Variants in RALGAPA2 observed in about 807,000 individuals in gnomAD.
RALGAPA2 encodes Ral GTPase activating protein catalytic subunit alpha 2.
A neutral mutation model predicts 230.4 loss-of-function variants in RALGAPA2; 139 were observed. The ratio of observed to expected loss-of-function variants is 0.60; its 90% CI spans 0.53 to 0.69. The LOEUF is 0.69. Among genes scored for constraint, RALGAPA2 ranks in the 30% least tolerant of loss-of-function variants. The pLI is 0.00. For synonymous variants in RALGAPA2, 847 were observed against 837.8 expected, an observed-to-expected ratio of 1.01 and a Z score of -0.19; for missense variants, 2,163 against 2,276.0, an observed-to-expected ratio of 0.95 and a Z score of 1.01.
At chr20:20,664,411 G>A (rs1025731138) in intron 3 of RALGAPA2, among the ~76,000 whole-genome samples, 2 of 151,750 alleles carry the variant, frequency 1.3e-5, no homozygotes, top group Non-Finnish European at 2.9e-5. Flanking sequence ...TTTTAATGAC[G>A]GAACGAACAT....
chr20:20,400,693 C>T (rs190491113), intron 38 of RALGAPA2, among the ~76,000 whole-genome samples: 101 of 152,248 alleles, frequency 6.6e-4, no homozygotes, highest in African/African-American at 2.4e-3. Context: ...GTGTACTTTA[C>T]CAGACTGAAT....
At chr20:20,556,318 C>T (rs1238176343) in intron 23 of RALGAPA2, among the ~76,000 whole-genome samples, 4 of 152,320 alleles carry the variant, frequency 2.6e-5, no homozygotes, top group East Asian at 1.9e-4. Flanking sequence ...CTGTCTTTCA[C>T]GTGTGCTTCC....
Position 20,611,324 on chromosome 20 carries a change from T to G in RALGAPA2, c.1791A>C (p.Leu597Phe), listed in dbSNP as rs199580194. ...KDLFAQSLAG[L>F]LFRTLMVAWI... ...CATAAAAAAGACTTACCCTAAATAG[T>G]AACCCTGCCAAGCTCTGGGCAAACA... Residue 597 changes from leucine to phenylalanine, a missense_variant, in exon 14 of 40, where the codon TTA becomes TTC. Leu to Phe is a conservative substitution (Grantham distance 22). Transcript: ENST00000202677. The G allele has an allele frequency of 1.2e-5, 20 of 1,610,432 alleles. No individual in the cohort carries two copies. Among genetic ancestry groups the G allele is most frequent in the Non-Finnish European group, 1.3e-5 (15 of 1,177,844 alleles).
chr20:20,618,280 G>C (rs2066212215), intron 12 of RALGAPA2, among the ~76,000 whole-genome samples: 1 of 152,186 alleles, frequency 6.6e-6, no homozygotes, highest in Non-Finnish European at 1.5e-5. Context: ...GAGCTACTGA[G>C]GGACAAAGGG....
chr20:20,400,353 G>A (rs772430597), intron 38 of RALGAPA2, among the ~76,000 whole-genome samples: 11 of 152,152 alleles, frequency 7.2e-5, no homozygotes, highest in African/African-American at 1.2e-4. Flanking sequence ...TTCAGAAGCC[G>A]AAAGCTGGGA....
chr20:20,681,320 C>G (rs2068513852), intron 1 of RALGAPA2, among the ~76,000 whole-genome samples: 1 of 152,182 alleles, frequency 6.6e-6, no homozygotes, highest in South Asian at 2.1e-4. Context: ...CACATGCTCC[C>G]CAACCACAAG....
chr20:20,422,061 T>C (rs902245992), intron 37 of RALGAPA2, among the ~76,000 whole-genome samples: 1 of 152,172 alleles, frequency 6.6e-6, no homozygotes, highest in Non-Finnish European at 1.5e-5. Flanking sequence ...ACTTCATTAA[T>C]ATAAATGTCC....
chr20:20,427,509 G>A (rs972919345), intron 37 of RALGAPA2, among the ~76,000 whole-genome samples: 1 of 151,838 alleles, frequency 6.6e-6, no homozygotes, highest in Non-Finnish European at 1.5e-5. Context: ...AACTCCCTCC[G>A]ACCGGCTAGC....
chr20:20,435,585 C>A (rs2060592388), intron 37 of RALGAPA2, among the ~76,000 whole-genome samples: 1 of 152,214 alleles, frequency 6.6e-6, no homozygotes. Context: ...AGAATGTTGG[C>A]TGCTGCAGAG....
intron 9 of RALGAPA2, among the ~76,000 whole-genome samples, chr20:20,633,254 C>G (rs2066746686): frequency 6.6e-6 from 1 of 152,122 alleles, no homozygotes; most frequent in Admixed American, 6.5e-5. Context: ...CCTGCCTCAG[C>G]TTCCCGAGTA....
chr20:20,392,924 A>C lies in RALGAPA2; in HGVS notation c.*365T>G. ...AATCTTTTCCTGCTGTCATCTGCCC[A>C]GAGCAGCCACACCAGTGCCCACGTG... On this transcript the variant is annotated 3_prime_UTR_variant, in exon 40 of 40. Coordinates refer to ENST00000202677, the MANE Select transcript of RALGAPA2 (RefSeq NM_020343.4). The C allele has an allele frequency of 1.2e-5, 6 of 482,964 alleles. No homozygotes were observed. The highest frequency in any genetic ancestry group is 2.0e-5 in the Non-Finnish European group (6 of 301,314). The allele number at this position is 482,964 out of a possible 1,614,324, so 29.9% of individuals were successfully genotyped here.
chr20:20,624,768 ATACT>A (rs2066439830), intron 10 of RALGAPA2, among the ~76,000 whole-genome samples: 1 of 152,190 alleles, frequency 6.6e-6, no homozygotes, highest in Admixed American at 6.5e-5. Context: ...TCAGCAATTA[ATACT>A]TCTTATGGTA....
At chr20:20,506,460 TA>T in intron 33 of RALGAPA2, among the ~76,000 whole-genome samples, 1 of 152,288 alleles carries the variant, frequency 6.6e-6, no homozygotes. Flanking sequence ...CATTTGGTGA[TA>T]GTTTAGAGAT....
intron 3 of RALGAPA2, among the ~76,000 whole-genome samples, chr20:20,668,277 C>T (rs1045123791): frequency 7.9e-5 from 12 of 152,126 alleles, no homozygotes; most frequent in Admixed American, 1.3e-4. Flanking sequence ...GTGGCAGGTG[C>T]CTGTAGTCCC....
intron 4 of RALGAPA2, among the ~76,000 whole-genome samples, chr20:20,648,007 A>G (rs1444102118): frequency 6.6e-6 from 1 of 152,200 alleles, no homozygotes; most frequent in East Asian, 1.9e-4. Flanking sequence ...ACAGGAAACC[A>G]TATGTTCACA....
chr20:20,640,749 G>A lies in RALGAPA2; in HGVS notation c.502C>T (p.Pro168Ser). The A allele has an allele frequency of 6.2e-7, 1 of 1,613,900 alleles. No individual in the cohort carries two copies. The highest frequency in any genetic ancestry group is 8.5e-7 in the Non-Finnish European group (1 of 1,179,854). The change falls in exon 6 of 40, where the codon CCT (proline) becomes TCT (serine). Residue 168 changes from proline to serine, a missense_variant. By Grantham distance (74) the Pro-to-Ser change is moderately conservative. Transcript: ENST00000202677. ...TTGATGAGTGTCTCCAGTGTGCAAG[G>A]GCCCCTGGATGACATGACTGCTGGG... ...GFPAVMSSRG[P>S]CTLETLINPS... is the part of the protein sequence containing the mutation.
At chr20:20,463,123 C>T (rs2061340177) in intron 37 of RALGAPA2, among the ~76,000 whole-genome samples, 1 of 151,660 alleles carries the variant, frequency 6.6e-6, no homozygotes, top group Non-Finnish European at 1.5e-5. Context: ...GGGCTTAAAA[C>T]CCTGACTTTT....
chr20:20,524,335 A>G, intron 30 of RALGAPA2, 71 bp downstream of exon 30: 2 of 1,565,470 alleles, frequency 1.3e-6, no homozygotes, highest in Non-Finnish European at 1.8e-6. Context: ...GTACATGCAT[A>G]AGACATATTT....
At chr20:20,411,994 A>G (rs1206108226) in intron 38 of RALGAPA2, 33 bp downstream of exon 38, 2 of 1,613,116 alleles carry the variant, frequency 1.2e-6, no homozygotes, top group African/African-American at 1.3e-5. Flanking sequence ...ATGCGTCTTA[A>G]GCGCGTGAGA....
Sources: gnomAD v4.1 joint callset for allele counts (sites outside exome capture counted in the v4.1 genomes callset) on GRCh38, gnomAD v4.1.1 for gene constraint, MANE v1.5 for transcripts, NCBI Gene and HGNC (gene_info 2026-07-23, HGNC 2026-07-21) for gene names.